PDE3A: variants seen among roughly 807,000 people sequenced by gnomAD.
PDE3A encodes the protein phosphodiesterase 3A.
In PDE3A, 43 loss-of-function variants were observed where a neutral mutation model predicts 98.3. The observed-to-expected ratio is 0.44, with a 90% CI of 0.34 to 0.56. The LOEUF (loss-of-function observed/expected upper bound fraction) is 0.56. Ranked by LOEUF, PDE3A falls within the 20% of genes least tolerant of loss-of-function variation. PDE3A has a pLI of 0.01. For synonymous variants in PDE3A, 663 were observed against 567.9 expected, an observed-to-expected ratio of 1.17 and a Z score of -2.38; for missense variants, 1,427 against 1,440.7, an observed-to-expected ratio of 0.99 and a Z score of 0.15.
At position 20,681,761 on chromosome 12, in the gene PDE3A, CA is replaced by C. The variant is rs1278350240; in HGVS notation, c.*1491del. 1 of 151,966 alleles carries C rather than the reference CA, an allele frequency of 6.6e-6. No homozygotes were observed. Among genetic ancestry groups the C allele is most frequent in the Non-Finnish European group, 1.5e-5 (1 of 67,936 alleles). The allele number at this position is 151,966 out of a possible 1,614,324, so 9.4% of individuals were successfully genotyped here. On this transcript the variant is annotated 3_prime_UTR_variant, in exon 16 of 16. Coordinates refer to ENST00000359062, the MANE Select transcript of PDE3A (RefSeq NM_000921.5). ...TTGTTTTGGTTTGTTTGTTTATCTA[CA>C]CTTGTTTATGCTGTGAGCCAAACCT...
At chr12:20,549,141 T>A (rs1942133248) in intron 1 of PDE3A, among the ~76,000 whole-genome samples, 1 of 152,132 alleles carries the variant, frequency 6.6e-6, no homozygotes, top group Non-Finnish European at 1.5e-5. Flanking sequence ...TAGTTTTTTT[T>A]AATGGATTCT....
chr12:20,577,378 C>G (rs1025522709), intron 2 of PDE3A, among the ~76,000 whole-genome samples: 3 of 152,074 alleles, frequency 2.0e-5, no homozygotes, highest in African/African-American at 7.2e-5. Flanking sequence ...TGGGAATTCA[C>G]CCGGTAGATA....
At chr12:20,424,662 C>A (rs548950810) in intron 1 of PDE3A, among the ~76,000 whole-genome samples, 1 of 152,138 alleles carries the variant, frequency 6.6e-6, no homozygotes, top group Non-Finnish European at 1.5e-5. Context: ...GCTAGGCATA[C>A]GTGTCAGAAT....
chr12:20,483,247 G>A (rs1328242464), intron 1 of PDE3A, among the ~76,000 whole-genome samples: 1 of 152,116 alleles, frequency 6.6e-6, no homozygotes, highest in African/African-American at 2.4e-5. Flanking sequence ...AAATTAGCTG[G>A]GCGTGGTGGT....
chr12:20,386,017 A>T (rs1459435421), intron 1 of PDE3A, among the ~76,000 whole-genome samples: 2 of 82,408 alleles, frequency 2.4e-5, no homozygotes, highest in East Asian at 2.7e-4. Flanking sequence ...AATATATATA[A>T]AATATATATA....
At chr12:20,489,820 T>C (rs1000814742) in intron 1 of PDE3A, among the ~76,000 whole-genome samples, 3 of 152,190 alleles carry the variant, frequency 2.0e-5, no homozygotes, top group Non-Finnish European at 4.4e-5. Context: ...TTAACATTTA[T>C]GCCCCAATAA....
chr12:20,587,095 C>T (rs1483824612), intron 2 of PDE3A, among the ~76,000 whole-genome samples: 5 of 152,076 alleles, frequency 3.3e-5, no homozygotes, highest in Admixed American at 6.6e-5. Flanking sequence ...CTCTGCTGGG[C>T]GCAGTGGCTC....
chr12:20,502,479 A>G (rs1006814536), intron 1 of PDE3A, among the ~76,000 whole-genome samples: 1 of 152,084 alleles, frequency 6.6e-6, no homozygotes, highest in African/African-American at 2.4e-5. Context: ...TGCCAGAAAT[A>G]CCTTTCCTGA....
At chr12:20,540,549 GAA>G (rs1431914269) in intron 1 of PDE3A, among the ~76,000 whole-genome samples, 6 of 152,048 alleles carry the variant, frequency 3.9e-5, no homozygotes, top group Admixed American at 2.0e-4. Flanking sequence ...CAACTTCTAC[GAA>G]AGTGTAAATT....
intron 1 of PDE3A, among the ~76,000 whole-genome samples, chr12:20,490,933 C>T (rs1039843745): frequency 2.6e-5 from 4 of 152,054 alleles, no homozygotes; most frequent in South Asian, 2.1e-4. Context: ...AGTGAGACCC[C>T]GTCTGTACCA....
chr12:20,525,087 C>T (rs931311396), intron 1 of PDE3A, among the ~76,000 whole-genome samples: 12 of 152,068 alleles, frequency 7.9e-5, no homozygotes, highest in Non-Finnish European at 2.9e-5. Context: ...AGCCGAGATC[C>T]ACCATTGCAC....
intron 1 of PDE3A, chr12:20,551,920 C>T (rs1942215869): frequency 2.5e-6 from 4 of 1,613,330 alleles, no homozygotes; most frequent in Non-Finnish European, 3.4e-6. Context: ...CACCATGTGG[C>T]GGTTCCGAGT....
intron 1 of PDE3A, among the ~76,000 whole-genome samples, chr12:20,547,028 C>G (rs1388017131): frequency 1.3e-5 from 2 of 152,032 alleles, no homozygotes; most frequent in African/African-American, 2.4e-5. Context: ...CATAGAGATG[C>G]TTTGCTGCTC....
At chr12:20,593,991 A>G (rs1304251656) in intron 2 of PDE3A, among the ~76,000 whole-genome samples, 1 of 152,178 alleles carries the variant, frequency 6.6e-6, no homozygotes, top group African/African-American at 2.4e-5. Flanking sequence ...CTGAGGTGCT[A>G]GGCTTCAGTA....
At chr12:20,446,103 C>T (rs1308235456) in intron 1 of PDE3A, among the ~76,000 whole-genome samples, 3 of 152,174 alleles carry the variant, frequency 2.0e-5, no homozygotes. Context: ...TTCGCCCTTT[C>T]TCCCCCAACG....
chr12:20,397,174 A>C (rs73234009), intron 1 of PDE3A, among the ~76,000 whole-genome samples: 18 of 152,124 alleles, frequency 1.2e-4, no homozygotes, highest in African/African-American at 4.3e-4. Context: ...TCTCATTAGT[A>C]CTCTGAGGTT....
chr12:20,479,380 A>T (rs893952163), intron 1 of PDE3A, among the ~76,000 whole-genome samples: 7 of 152,164 alleles, frequency 4.6e-5, no homozygotes, highest in African/African-American at 1.7e-4. Context: ...AGGGGACTTT[A>T]CACCACTCCT....
At chr12:20,408,291 G>C (rs930673041) in intron 1 of PDE3A, among the ~76,000 whole-genome samples, 3 of 152,080 alleles carry the variant, frequency 2.0e-5, no homozygotes, top group Non-Finnish European at 2.9e-5. Flanking sequence ...AAATCTATAA[G>C]AGTATGGCTG....
chr12:20,645,768 T>G (rs1242593198), intron 10 of PDE3A, among the ~76,000 whole-genome samples: 1 of 152,108 alleles, frequency 6.6e-6, no homozygotes, highest in Non-Finnish European at 1.5e-5. Context: ...GATGGCATTA[T>G]CTGGTTAATG....
Sources: allele counts gnomAD v4.1 joint callset (sites outside exome capture counted in the v4.1 genomes callset), GRCh38; gene constraint gnomAD v4.1.1; transcripts MANE v1.5; gene names NCBI Gene and HGNC (gene_info 2026-07-23, HGNC 2026-07-21).